SSU72: variants seen among roughly 807,000 people sequenced by gnomAD.
SSU72 encodes RNA polymerase II subunit A C-terminal domain phosphatase SSU72.
SSU72 carries 12 observed loss-of-function variants against 22.7 expected under a neutral mutation model. The observed-to-expected ratio is 0.53, with a 90% CI of 0.34 to 0.86. SSU72 has a LOEUF of 0.86. Among genes scored for constraint, SSU72 ranks in the 40% least tolerant of loss-of-function variants. SSU72 has a pLI of 0.02. For missense variants in SSU72, 151 were observed against 249.8 expected (o/e 0.60, Z 2.67); for synonymous variants, 116 against 98.3 (o/e 1.18, Z -1.06).
intron 2 of SSU72, among the ~76,000 whole-genome samples, chr1:1,551,653 CT>C: frequency 6.6e-6 from 1 of 152,242 alleles, no homozygotes; most frequent in Non-Finnish European, 1.5e-5. Flanking sequence ...GCCCACCAGC[CT>C]TTCTCGACCA....
chr1:1,564,355 G>A, intron 2 of SSU72: 1 of 983,572 alleles, frequency 1.0e-6, no homozygotes, highest in Non-Finnish European at 1.4e-6. Flanking sequence ...CTCACCAGAT[G>A]TGTGAAGCAG....
intron 2 of SSU72, among the ~76,000 whole-genome samples, chr1:1,553,720 G>A (rs776185261): frequency 2.0e-5 from 3 of 151,656 alleles, no homozygotes; most frequent in South Asian, 2.1e-4. Flanking sequence ...GAACCCGGGA[G>A]GCAGAGCTTG....
intron 1 of SSU72, among the ~76,000 whole-genome samples, chr1:1,573,592 C>T (rs984297339): frequency 1.3e-5 from 2 of 151,872 alleles, no homozygotes; most frequent in Non-Finnish European, 2.9e-5. Context: ...GGGGACTACA[C>T]GCGTGAGCCA....
intron 4 of SSU72, 62 bp downstream of exon 4, chr1:1,543,807 G>C: frequency 7.2e-7 from 1 of 1,386,450 alleles, no homozygotes; most frequent in Non-Finnish European, 1.0e-6. Context: ...CCTCTGTCAC[G>C]GCCTCGGTCA....
chr1:1,541,875 A>G lies in SSU72; in HGVS notation c.*191T>C, dbSNP rs1642324150. On this transcript the variant is annotated 3_prime_UTR_variant, in exon 5 of 5. Coordinates refer to ENST00000291386, the MANE Select transcript of SSU72 (RefSeq NM_014188.3). ...TGTAATCAATATCCTGCTCATAAGT[A>G]AAAGTGGAAAAGAAGAAACTTGATT... 1.7e-6 allele frequency: 1 copy of G among 583,696 alleles called. No homozygotes were observed. Among genetic ancestry groups the G allele is most frequent in the Non-Finnish European group, 3.0e-6 (1 of 329,462 alleles). 36.2% of individuals were successfully genotyped at this position (583,696 alleles called of 1,614,324 possible).
chr1:1,553,302 C>A (rs1642476308), intron 2 of SSU72, among the ~76,000 whole-genome samples: 2 of 152,066 alleles, frequency 1.3e-5, no homozygotes, highest in Admixed American at 1.3e-4. Context: ...CTTATCTCCA[C>A]CCCAGGACAT....
chr1:1,543,593 C>T (rs1419996647), intron 4 of SSU72, among the ~76,000 whole-genome samples: 1 of 152,170 alleles, frequency 6.6e-6, no homozygotes, highest in African/African-American at 2.4e-5. Flanking sequence ...CAGGTCTCGG[C>T]CACTCCCCTC....
chr1:1,549,591 C>T (rs962599898), intron 2 of SSU72, among the ~76,000 whole-genome samples: 1 of 151,550 alleles, frequency 6.6e-6, no homozygotes, highest in African/African-American at 2.4e-5. Context: ...ATAATCCCAC[C>T]ACTTTGGGAG....
rs1447696952 is a variant in SSU72 at position 1,544,876 on chromosome 1, G to A, written c.351C>T (p.Asp117=). 6.2e-7 allele frequency: 1 copy of A among 1,614,206 alleles called. No homozygotes were observed. Among genetic ancestry groups the A allele is most frequent in the African/African-American group, 1.3e-5 (1 of 75,060 alleles). The change falls in exon 3 of 5, where the codon GAC becomes GAT. Residue 117 remains aspartate (D), a synonymous_variant. Coordinates refer to ENST00000291386, the MANE Select transcript of SSU72 (RefSeq NM_014188.3). ...LILTCEERVY[D]QVVEDLNSRE... is the part of the protein sequence containing the mutation. ...CCGCCTCCTCACCTTCCACCACCTG[G>A]TCATACACTCTCTCTTCGCAAGTGA... is the stretch of plus-strand genomic sequence containing the variant.
intron 2 of SSU72, among the ~76,000 whole-genome samples, chr1:1,557,419 GTAAA>G (rs756696659): frequency 7.9e-5 from 12 of 151,478 alleles, no homozygotes; most frequent in East Asian, 2.0e-4. Flanking sequence ...TCTCAAAAAA[GTAAA>G]TAAATAAATA....
At chr1:1,571,244 CAAAAAAAAAAAAAAAAAAAAAA>C (rs753699933) in intron 1 of SSU72, among the ~76,000 whole-genome samples, 6 of 46,866 alleles carry the variant, frequency 1.3e-4, no homozygotes, top group Non-Finnish European at 2.7e-4. Flanking sequence ...GACTCCATCT[CAAAAAAAAAAAAAAAAAAAAAA>C]AAAAAAAAAA....
chr1:1,572,865 A>G (rs952557904), intron 1 of SSU72, among the ~76,000 whole-genome samples: 1 of 103,588 alleles, frequency 9.7e-6, no homozygotes, highest in African/African-American at 3.8e-5. Context: ...CCAATTAACA[A>G]TAATTTTGTC....
rs563009819 is a variant in SSU72 at position 1,564,549 on chromosome 1, A to G, written c.224+224T>C. The G allele has an allele frequency of 9.8e-5, 154 of 1,564,734 alleles. 1 individual carries two copies. The East Asian group carries it at 3.5e-3, about 35-fold the overall frequency. ...GCTGAACCACGTCAGGGTGAACCCC[A>G]CACCGTGTCTGTGCGCCTCACCACG... is the stretch of plus-strand genomic sequence containing the variant. On this transcript the variant is annotated intron_variant, in intron 2 of 4. Transcript: ENST00000291386.
At chr1:1,564,688 A>G (rs1340917060) in intron 2 of SSU72, 85 bp downstream of exon 2, 1 of 1,613,956 alleles carries the variant, frequency 6.2e-7, no homozygotes, top group African/African-American at 1.3e-5. Flanking sequence ...GCACAGGGTG[A>G]CACGCCTCCT....
intron 2 of SSU72, chr1:1,545,229 C>T (rs1177695657): frequency 5.5e-6 from 3 of 542,708 alleles, no homozygotes; most frequent in Non-Finnish European, 9.8e-6. Context: ...TCCTCGCTGT[C>T]CCCCAACTCG....
intron 1 of SSU72, among the ~76,000 whole-genome samples, chr1:1,567,981 C>G (rs986625024): frequency 7.3e-5 from 11 of 151,316 alleles, no homozygotes; most frequent in African/African-American, 2.7e-4. Context: ...AAGGAGACAG[C>G]CTGCCTCCCA....
chr1:1,554,321 G>A lies in SSU72; in HGVS notation c.225-9319C>T, dbSNP rs1222006340. 6.6e-6 allele frequency among the ~76,000 whole-genome samples: 1 copy of A among 151,780 alleles called. No individual in the cohort carries two copies. The highest frequency in any genetic ancestry group is 1.9e-4 in the East Asian group (1 of 5,150). On this transcript the variant is annotated intron_variant, in intron 2 of 4. Transcript: ENST00000291386. The surrounding 1 kb of genome is among the most constrained non-coding windows in gnomAD (Gnocchi z 4.1). ...CGGACCACTCGGGGGTCCCCACGAA[G>A]CTGAGCATGAGGCGGATCCGGACCA...
chr1:1,573,395 A>T lies in SSU72; in HGVS notation c.80+1083T>A, dbSNP rs187234851. On this transcript the variant is annotated intron_variant, in intron 1 of 4. Transcript: ENST00000291386. ...CAGTGAGCCGAGATCGCGCTACTGC[A>T]CTCCAGTTTGGGCGACAGAGCAAGA... 3.8e-4 allele frequency among the ~76,000 whole-genome samples: 57 copies of T among 148,814 alleles called. No individual in the cohort carries two copies. The East Asian group carries it at 0.011, about 29-fold the overall frequency.
chr1:1,568,638 C>T (rs1642691011), intron 1 of SSU72, among the ~76,000 whole-genome samples: 1 of 151,960 alleles, frequency 6.6e-6, no homozygotes, highest in African/African-American at 2.4e-5. Context: ...ATAAAGAAGC[C>T]ATCAGGCGGG....
Sources: gnomAD v4.1 joint callset for allele counts (sites outside exome capture counted in the v4.1 genomes callset) on GRCh38, gnomAD v4.1.1 for gene constraint, Gnocchi (gnomAD v3.1) non-coding constraint, MANE v1.5 for transcripts, NCBI Gene and HGNC (gene_info 2026-07-23, HGNC 2026-07-21) for gene names.